The following SLC30A9 variants were observed in gnomAD, a reference collection of about 807,000 sequenced individuals.
SLC30A9 encodes proton-coupled zinc antiporter SLC30A9, mitochondrial.
Under a neutral mutation model 87.5 loss-of-function variants are expected in SLC30A9, and 58 were observed. That is an observed-to-expected ratio of 0.66 (90% confidence interval 0.54 to 0.82). The LOEUF is 0.82. Among genes scored for constraint, SLC30A9 ranks in the 40% least tolerant of loss-of-function variants. The pLI is 0.00. For missense variants in SLC30A9, 557 were observed against 679.1 expected (o/e 0.82, Z 2.00); for synonymous variants, 234 against 233.0 (o/e 1.00, Z -0.04).
chr4:42,037,491 T>C (rs751719939), intron 7 of SLC30A9, among the ~76,000 whole-genome samples: 5 of 152,040 alleles, frequency 3.3e-5, no homozygotes, highest in Non-Finnish European at 7.4e-5. Flanking sequence ...GAATTGGAAG[T>C]ACCTTTATCT....
rs942499678 is a variant in SLC30A9, at chr4:42,001,757, A to G, written c.251A>G (p.Glu84Gly). ...EGQGSQTLRV[E>G]KVPSFETAEG... ...CAGGGATCACAAACACTCAGAGTGG[A>G]AAAAGTACCATCATTTGAAACAGGT... is the stretch of plus-strand genomic sequence containing the variant. Residue 84 changes from glutamate (E) to glycine (G), a missense_variant, in exon 2 of 18, where the codon GAA becomes GGA. By Grantham distance (98) the Glu-to-Gly change is moderately conservative. Transcript: ENST00000264451. The G allele has an allele frequency of 1.9e-6, 3 of 1,608,978 alleles. No homozygotes were observed. In the Admixed American group the frequency reaches 5.1e-5, roughly 27 times the overall value.
At chr4:41,991,688 C>G (rs1714448689) in intron 1 of SLC30A9, among the ~76,000 whole-genome samples, 1 of 152,108 alleles carries the variant, frequency 6.6e-6, no homozygotes, top group African/African-American at 2.4e-5. Flanking sequence ...GAGACTGAGG[C>G]AGGCAGATCT....
At chr4:42,048,610 A>G (rs568782990) in intron 8 of SLC30A9, among the ~76,000 whole-genome samples, 1 of 152,242 alleles carries the variant, frequency 6.6e-6, no homozygotes, top group South Asian at 2.1e-4. Context: ...TTTGGCATCT[A>G]GCTGCTTCTA....
At chr4:41,997,987 AGTT>A (rs1471731567) in intron 1 of SLC30A9, among the ~76,000 whole-genome samples, 5 of 152,354 alleles carry the variant, frequency 3.3e-5, no homozygotes, top group Admixed American at 2.0e-4. Flanking sequence ...GTTTATTTTT[AGTT>A]GTTGTTGCGG....
intron 2 of SLC30A9, among the ~76,000 whole-genome samples, chr4:42,014,333 A>T (rs1454433135): frequency 1.3e-5 from 2 of 152,192 alleles, no homozygotes; most frequent in Non-Finnish European, 2.9e-5. Flanking sequence ...AGGACCCTCA[A>T]AAAACCAAAA....
intron 9 of SLC30A9, among the ~76,000 whole-genome samples, chr4:42,055,667 C>G (rs1303650329): frequency 6.6e-6 from 1 of 152,204 alleles, no homozygotes; most frequent in African/African-American, 2.4e-5. Context: ...CATTTAATAT[C>G]AACTGAGATG....
rs767872937 is a variant in SLC30A9 at position 42,067,154 on chromosome 4, T to C, written c.1214T>C (p.Ile405Thr). 6.2e-7 allele frequency: 1 copy of C among 1,611,898 alleles called. No homozygotes were observed. The highest frequency in any genetic ancestry group is 8.5e-7 in the Non-Finnish European group (1 of 1,178,270). ...LEDTAAVLGV[I>T]IAATCMGLTS... ...GATACTGCTGCAGTCTTGGGAGTTA[T>C]AATAGCAGCCACTTGCATGGGCCTT... The change falls in exon 14 of 18, where the codon ATA becomes ACA. Residue 405 changes from isoleucine (I) to threonine (T), a missense_variant. Physicochemically the swap from Ile to Thr is moderately conservative, Grantham distance 89. Around this residue, in one of 2 missense-constraint regions of SLC30A9, gnomAD observed 467 missense variants for 529.8 expected, o/e 0.88. Transcript: ENST00000264451.
At chr4:42,041,947 G>T (rs570144552) in intron 8 of SLC30A9, among the ~76,000 whole-genome samples, 2 of 152,312 alleles carry the variant, frequency 1.3e-5, no homozygotes, top group South Asian at 4.1e-4. Flanking sequence ...CACCGGGGTA[G>T]TGCAAGGGGT....
At chr4:42,052,661 A>C (rs1057100267) in intron 9 of SLC30A9, among the ~76,000 whole-genome samples, 1 of 152,230 alleles carries the variant, frequency 6.6e-6, no homozygotes, top group Non-Finnish European at 1.5e-5. Flanking sequence ...TAAAACAAAT[A>C]ATGTTGGAAA....
chr4:42,074,920 CAA>C (rs1439970059), intron 15 of SLC30A9, among the ~76,000 whole-genome samples: 1 of 148,152 alleles, frequency 6.7e-6, no homozygotes, highest in African/African-American at 2.5e-5. Context: ...TAAATTAAAA[CAA>C]ATTTTTATAT....
intron 6 of SLC30A9, among the ~76,000 whole-genome samples, chr4:42,034,240 A>T (rs552692136): frequency 6.6e-6 from 1 of 152,256 alleles, no homozygotes; most frequent in African/African-American, 2.4e-5. Flanking sequence ...CTCATTGCAA[A>T]TCCAGATTTT....
chr4:42,024,795 A>C (rs1038422436), intron 6 of SLC30A9, among the ~76,000 whole-genome samples: 4 of 152,164 alleles, frequency 2.6e-5, no homozygotes, highest in Non-Finnish European at 5.9e-5. Context: ...AATTTTGAAT[A>C]TCTCTGACTA....
Position 42,064,591 on chromosome 4 carries a change from G to T in SLC30A9, c.1033-719G>T, listed in dbSNP as rs547477782. Among the ~76,000 whole-genome samples the T allele has an allele frequency of 3.3e-5, 5 of 152,228 alleles. No homozygotes were observed. In the South Asian group the frequency reaches 1.0e-3, roughly 32 times the overall value. On this transcript the variant is annotated intron_variant, in intron 11 of 17. Coordinates refer to ENST00000264451, the MANE Select transcript of SLC30A9 (RefSeq NM_006345.4). ...TTGGCCACTTTATGGGTACTTCATT[G>T]TTCTAGCGTTCTTCTAATTTGTATA... is the stretch of plus-strand genomic sequence containing the variant.
intron 9 of SLC30A9, among the ~76,000 whole-genome samples, chr4:42,054,000 G>T (rs1355838850): frequency 6.6e-6 from 1 of 152,132 alleles, no homozygotes; most frequent in Non-Finnish European, 1.5e-5. Flanking sequence ...ATGATGGAAA[G>T]GTTCTGTGTC....
chr4:41,993,933 G>T (rs572538197), intron 1 of SLC30A9, among the ~76,000 whole-genome samples: 2 of 152,256 alleles, frequency 1.3e-5, no homozygotes, highest in East Asian at 3.9e-4. Flanking sequence ...GAGGTAGGGG[G>T]ATCACCTGAG....
chr4:42,076,858 A>G (rs746738534), intron 16 of SLC30A9, among the ~76,000 whole-genome samples: 6 of 151,560 alleles, frequency 4.0e-5, no homozygotes, highest in Non-Finnish European at 7.4e-5. Context: ...GCTACTCGGC[A>G]GGCTGAGGCA....
intron 14 of SLC30A9, among the ~76,000 whole-genome samples, chr4:42,067,663 A>G (rs985158304): frequency 6.6e-6 from 1 of 152,318 alleles, no homozygotes; most frequent in South Asian, 2.1e-4. Flanking sequence ...ATCAATTCCT[A>G]ACTGGAGCTA....
At chr4:42,034,333 G>A (rs905010294) in intron 6 of SLC30A9, among the ~76,000 whole-genome samples, 3 of 152,144 alleles carry the variant, frequency 2.0e-5, no homozygotes, top group African/African-American at 7.2e-5. Flanking sequence ...TCATAAGTGT[G>A]TAAGTATATT....
chr4:42,047,199 G>A (rs1368367484), intron 8 of SLC30A9, among the ~76,000 whole-genome samples: 1 of 152,176 alleles, frequency 6.6e-6, no homozygotes, highest in Non-Finnish European at 1.5e-5. Flanking sequence ...CACACCAAAA[G>A]CAATGGGAAC....
Sources: allele counts gnomAD v4.1 joint callset (sites outside exome capture counted in the v4.1 genomes callset), GRCh38; gene constraint gnomAD v4.1.1; regional missense constraint gnomAD v4.1.1; transcripts MANE v1.5; gene names NCBI Gene and HGNC (gene_info 2026-07-23, HGNC 2026-07-21).